Variants in ELMO1 observed in about 807,000 individuals in gnomAD.
The protein encoded by ELMO1 is engulfment and cell motility protein 1.
Under a neutral mutation model 98.9 loss-of-function variants are expected in ELMO1, and 26 were observed. That is an observed-to-expected ratio of 0.26 (90% CI 0.19 to 0.36). The LOEUF is 0.36. ELMO1 is among the 10% of genes least tolerant of loss of function. The pLI is 1.00. For missense variants in ELMO1, 627 were observed against 935.2 expected (o/e 0.67, Z 4.30); for synonymous variants, 346 against 346.0 (o/e 1.00, Z 0.00).
chr7:36,973,805 G>A (rs1790210101), intron 16 of ELMO1, among the ~76,000 whole-genome samples: 1 of 152,230 alleles, frequency 6.6e-6, no homozygotes, highest in African/African-American at 2.4e-5. Context: ...TGGAGTTCCA[G>A]ATGGGCGTGG....
At chr7:36,916,631 A>C (rs1784711170) in intron 16 of ELMO1, among the ~76,000 whole-genome samples, 1 of 152,232 alleles carries the variant, frequency 6.6e-6, no homozygotes, top group African/African-American at 2.4e-5. Context: ...TAGTGCCTAA[A>C]GTACAAAACC....
chr7:37,202,323 A>G (rs903852940), intron 13 of ELMO1, among the ~76,000 whole-genome samples: 1 of 152,166 alleles, frequency 6.6e-6, no homozygotes, highest in African/African-American at 2.4e-5. Context: ...GCAAAAAGAG[A>G]ATACCACAAA....
At chr7:37,430,261 T>C (rs1296982838) in intron 1 of ELMO1, among the ~76,000 whole-genome samples, 3 of 152,206 alleles carry the variant, frequency 2.0e-5, no homozygotes, top group Non-Finnish European at 2.9e-5. Context: ...CACCTGGGTT[T>C]CTGCCTGCAT....
chr7:37,447,807 G>C (rs994338526), intron 1 of ELMO1, among the ~76,000 whole-genome samples: 1 of 147,486 alleles, frequency 6.8e-6, no homozygotes, highest in Non-Finnish European at 1.5e-5. Context: ...ACACACGCGC[G>C]CACCCCCGGG....
chr7:36,949,077 A>G (rs1787753144), intron 16 of ELMO1, among the ~76,000 whole-genome samples: 1 of 152,078 alleles, frequency 6.6e-6, no homozygotes, highest in Non-Finnish European at 1.5e-5. Context: ...GCTGGTCTTG[A>G]ACTCCTGACC....
chr7:36,948,025 C>T (rs1005282514), intron 16 of ELMO1, among the ~76,000 whole-genome samples: 10 of 152,156 alleles, frequency 6.6e-5, no homozygotes, highest in African/African-American at 2.4e-4. Flanking sequence ...ATTGTGCGTT[C>T]TTTGACTTAT....
chr7:37,090,450 CT>C (rs1429078917), intron 15 of ELMO1, among the ~76,000 whole-genome samples: 4 of 152,204 alleles, frequency 2.6e-5, no homozygotes, highest in Admixed American at 2.0e-4. Flanking sequence ...AAAGTCAAAA[CT>C]CTCTGCATGG....
rs563099619 is a variant in ELMO1 at position 37,167,104 on chromosome 7, T to G, written c.1087-33870A>C. Among the ~76,000 whole-genome samples, 1,014 of 152,252 alleles carry G rather than the reference T, an allele frequency of 6.7e-3. 6 individuals carry two copies. Among genetic ancestry groups the G allele is most frequent in the Non-Finnish European group, 0.011 (717 of 67,996 alleles). On this transcript the variant is annotated intron_variant, in intron 13 of 21. Transcript: ENST00000310758. ...TTATCATTATGTAATGGCCTTCTTT[T>G]TCTCTTTTGATCTTTGTTGCTTTAA...
intron 17 of ELMO1, among the ~76,000 whole-genome samples, chr7:36,890,411 C>T (rs1037558883): frequency 6.6e-6 from 1 of 152,202 alleles, no homozygotes; most frequent in African/African-American, 2.4e-5. Context: ...CATCTCTCTG[C>T]TGAACTCCAA....
Position 37,170,358 on chromosome 7 carries a change from G to C in ELMO1, c.1087-37124C>G, listed in dbSNP as rs976538644. On this transcript the variant is annotated intron_variant, in intron 13 of 21. Transcript: ENST00000310758. ...AATTCAGCATTGAATTGAATTAGCA[G>C]AATGGGTCTCAGCAACTGTAATGAA... Among the ~76,000 whole-genome samples, 5 of 152,194 alleles carry C rather than the reference G, an allele frequency of 3.3e-5. No individual in the cohort carries two copies. In the South Asian group the frequency reaches 1.0e-3, roughly 32 times the overall value.
At position 36,994,104 on chromosome 7, in the gene ELMO1, C is replaced by T. The variant is rs546483963; in HGVS notation, c.1437+19195G>A. 6.6e-5 allele frequency among the ~76,000 whole-genome samples: 10 copies of T among 152,272 alleles called. No homozygotes were observed. In the South Asian group the frequency reaches 1.0e-3, roughly 16 times the overall value. On this transcript the variant is annotated intron_variant, in intron 16 of 21. Coordinates refer to ENST00000310758, the MANE Select transcript of ELMO1 (RefSeq NM_014800.11). Reference sequence around the variant, plus strand: ...CCTGAGATAATGCAATTTAACATGTCGCCCTGTGTTTCCTTCAAGTCTTGG... The same window carrying T: ...CCTGAGATAATGCAATTTAACATGTTGCCCTGTGTTTCCTTCAAGTCTTGG...
chr7:37,444,766 G>A (rs555431517), intron 1 of ELMO1, among the ~76,000 whole-genome samples: 22 of 152,202 alleles, frequency 1.4e-4, no homozygotes, highest in Non-Finnish European at 2.9e-4. Flanking sequence ...CACCCGCCTC[G>A]GACTCCCAAA....
chr7:37,409,368 T>A (rs1803904998), intron 1 of ELMO1, among the ~76,000 whole-genome samples: 1 of 152,238 alleles, frequency 6.6e-6, no homozygotes, highest in Non-Finnish European at 1.5e-5. Flanking sequence ...GTGTCCTGGC[T>A]GTGTACTGCT....
chr7:37,017,642 C>T (rs1794017853), intron 15 of ELMO1, among the ~76,000 whole-genome samples: 1 of 152,138 alleles, frequency 6.6e-6, no homozygotes, highest in African/African-American at 2.4e-5. Context: ...CTCCTGCAGC[C>T]ATTTTGTCAG....
At chr7:36,923,941 A>G in intron 16 of ELMO1, among the ~76,000 whole-genome samples, 1 of 152,198 alleles carries the variant, frequency 6.6e-6, no homozygotes, top group East Asian at 1.9e-4. Flanking sequence ...GAACACAAAC[A>G]GTGAGGAAGC....
intron 1 of ELMO1, among the ~76,000 whole-genome samples, chr7:37,433,683 T>G (rs1350078973): frequency 6.6e-6 from 1 of 152,156 alleles, no homozygotes; most frequent in East Asian, 1.9e-4. Context: ...TGAGCAGTAC[T>G]TGAACACGGG....
At chr7:37,092,016 C>A (rs1412228055) in intron 15 of ELMO1, among the ~76,000 whole-genome samples, 3 of 152,226 alleles carry the variant, frequency 2.0e-5, no homozygotes, top group East Asian at 1.9e-4. Flanking sequence ...GGGGACACAG[C>A]CAAACCATAT....
intron 15 of ELMO1, among the ~76,000 whole-genome samples, chr7:37,024,576 G>A (rs1208258316): frequency 6.6e-6 from 1 of 152,110 alleles, no homozygotes; most frequent in African/African-American, 2.4e-5. Context: ...TCTAGAGTTA[G>A]GACTGCAGCT....
intron 1 of ELMO1, among the ~76,000 whole-genome samples, chr7:37,410,229 A>G (rs2131494412): frequency 6.6e-6 from 1 of 152,338 alleles, no homozygotes; most frequent in Admixed American, 6.5e-5. Context: ...GTACTATTGC[A>G]GTTTGGTGAC....
Sources: gnomAD v4.1 joint callset for allele counts (sites outside exome capture counted in the v4.1 genomes callset) on GRCh38, gnomAD v4.1.1 for gene constraint, MANE v1.5 for transcripts, NCBI Gene and HGNC (gene_info 2026-07-23, HGNC 2026-07-21) for gene names.